The following CHSY3 variants were observed in gnomAD, a reference collection of about 807,000 sequenced individuals.
CHSY3 encodes N-acetylgalactosaminyl-proteoglycan 3-beta-glucuronosyltransferase 3.
A neutral mutation model predicts 67.2 loss-of-function variants in CHSY3; 35 were observed. The observed-to-expected ratio is 0.52, with a 90% CI of 0.40 to 0.69. The LOEUF is 0.69. Ranked by LOEUF, CHSY3 falls within the 30% of genes least tolerant of loss-of-function variation. The pLI, the probability that CHSY3 is intolerant of heterozygous loss-of-function variation, is 0.00. For missense variants in CHSY3, 1,069 were observed against 1,138.5 expected, an observed-to-expected ratio of 0.94 and a Z score of 0.88; for synonymous variants, 474 against 434.7, an observed-to-expected ratio of 1.09 and a Z score of -1.12.
chr5:129,940,589 C>A (rs1174800671), intron 2 of CHSY3, among the ~76,000 whole-genome samples: 1 of 151,862 alleles, frequency 6.6e-6, no homozygotes, highest in East Asian at 1.9e-4. Flanking sequence ...ATAAAATTGA[C>A]CTTTTCCCTC....
intron 2 of CHSY3, among the ~76,000 whole-genome samples, chr5:129,930,447 A>G (rs906710553): frequency 4.2e-5 from 6 of 144,086 alleles, no homozygotes; most frequent in Non-Finnish European, 7.6e-5. Context: ...AGAAGCTAAC[A>G]TGGCATTGAT....
chr5:129,998,609 A>T (rs1318374250), intron 2 of CHSY3, among the ~76,000 whole-genome samples: 1 of 152,142 alleles, frequency 6.6e-6, no homozygotes, highest in Non-Finnish European at 1.5e-5. Context: ...AGAGTCTATG[A>T]AGAATATTGT....
intron 2 of CHSY3, among the ~76,000 whole-genome samples, chr5:129,974,009 TC>T (rs1291753130): frequency 2.6e-5 from 4 of 152,104 alleles, no homozygotes; most frequent in East Asian, 1.9e-4. Flanking sequence ...GTCTCTTGTC[TC>T]CCCTGCATTC....
At chr5:130,016,754 C>G (rs1764230626) in intron 2 of CHSY3, among the ~76,000 whole-genome samples, 1 of 152,136 alleles carries the variant, frequency 6.6e-6, no homozygotes, top group Admixed American at 6.5e-5. Flanking sequence ...CCTAAAATGT[C>G]TGAAGTATAG....
At chr5:130,081,460 A>T (rs1766444436) in intron 2 of CHSY3, among the ~76,000 whole-genome samples, 1 of 152,000 alleles carries the variant, frequency 6.6e-6, no homozygotes, top group South Asian at 2.1e-4. Context: ...TACCCCATGA[A>T]CATAGTGTGA....
intron 2 of CHSY3, among the ~76,000 whole-genome samples, chr5:130,019,647 CTT>C (rs1032711721): frequency 3.3e-5 from 5 of 152,326 alleles, no homozygotes; most frequent in African/African-American, 1.2e-4. Flanking sequence ...CCTCGTTTAT[CTT>C]TCCCTGGTAG....
chr5:130,175,296 C>G lies in CHSY3; in HGVS notation c.1087-8933C>G, dbSNP rs142496418. 2.0e-3 allele frequency among the ~76,000 whole-genome samples: 299 copies of G among 152,232 alleles called. 2 individuals carry two copies. The highest frequency in any genetic ancestry group is 6.8e-3 in the Middle Eastern group (2 of 294). On this transcript the variant is annotated intron_variant, in intron 2 of 2. Coordinates refer to ENST00000305031, the MANE Select transcript of CHSY3 (RefSeq NM_175856.5). ...ATAAAATACCTAGGAATACAACTTA[C>G]AAGGGATGCGAAGGACCTCTTCAAG...
chr5:130,024,152 A>AAAAAAAAAAAAAAAAAG (rs386404969), intron 2 of CHSY3, among the ~76,000 whole-genome samples: 5 of 150,832 alleles, frequency 3.3e-5, no homozygotes, highest in African/African-American at 9.8e-5. Flanking sequence ...AAAAAAAAAA[A>AAAAAAAAAAAAAAAAAG]AAGCCTGTCT....
At chr5:130,162,569 CT>C (rs1769589426) in intron 2 of CHSY3, among the ~76,000 whole-genome samples, 1 of 151,950 alleles carries the variant, frequency 6.6e-6, no homozygotes, top group African/African-American at 2.4e-5. Flanking sequence ...GGGTCTTGTT[CT>C]GTCACCCAGG....
At chr5:130,033,649 C>A (rs185246531) in intron 2 of CHSY3, among the ~76,000 whole-genome samples, 1 of 152,124 alleles carries the variant, frequency 6.6e-6, no homozygotes, top group Non-Finnish European at 1.5e-5. Flanking sequence ...AAGAAACAAA[C>A]CCCACTGATA....
intron 2 of CHSY3, among the ~76,000 whole-genome samples, chr5:129,991,347 T>G (rs1168121799): frequency 6.6e-6 from 1 of 152,146 alleles, no homozygotes; most frequent in Non-Finnish European, 1.5e-5. Flanking sequence ...CTTTGAAGAT[T>G]GATTTCTGAG....
chr5:130,025,649 T>C lies in CHSY3; in HGVS notation c.1086+117289T>C, dbSNP rs553731708. ...AAGGCACCAGTAGATTTGGTGTCTG[T>C]TGAAGGCCTGGTTTTTGAGTCATAG... is the stretch of plus-strand genomic sequence containing the variant. On this transcript the variant is annotated intron_variant, in intron 2 of 2. Coordinates refer to ENST00000305031, the MANE Select transcript of CHSY3 (RefSeq NM_175856.5). Among the ~76,000 whole-genome samples, 41 of 151,556 alleles carry C rather than the reference T, an allele frequency of 2.7e-4. No homozygotes were observed. In the South Asian group the frequency reaches 5.0e-3, roughly 18 times the overall value.
intron 2 of CHSY3, among the ~76,000 whole-genome samples, chr5:129,964,654 T>G (rs1486583844): frequency 1.3e-5 from 2 of 151,960 alleles, no homozygotes; most frequent in East Asian, 3.9e-4. Context: ...TTCAGGGCAA[T>G]TTTCCCCCTG....
chr5:129,933,780 AT>A (rs1761400585), intron 2 of CHSY3, among the ~76,000 whole-genome samples: 1 of 152,016 alleles, frequency 6.6e-6, no homozygotes, highest in Non-Finnish European at 1.5e-5. Flanking sequence ...CTTTCATGTA[AT>A]TTTTTCATAT....
At chr5:130,000,732 C>CTTCTTTTTTT (rs776331371) in intron 2 of CHSY3, among the ~76,000 whole-genome samples, 1 of 76,450 alleles carries the variant, frequency 1.3e-5, no homozygotes, top group Admixed American at 2.1e-4. Flanking sequence ...AACTTTTCTT[C>CTTCTTTTTTT]TTTTTTTTTT....
intron 2 of CHSY3, among the ~76,000 whole-genome samples, chr5:130,170,365 T>A (rs1769865963): frequency 6.6e-6 from 1 of 152,110 alleles, no homozygotes; most frequent in South Asian, 2.1e-4. Context: ...ATATACCACA[T>A]TTTCTTTATC....
intron 2 of CHSY3, among the ~76,000 whole-genome samples, chr5:130,103,602 G>A (rs1182002120): frequency 6.6e-6 from 1 of 151,834 alleles, no homozygotes; most frequent in African/African-American, 2.4e-5. Flanking sequence ...TCTCACTGTT[G>A]GCAGAAAAAT....
At chr5:129,994,990 A>C (rs1463629947) in intron 2 of CHSY3, among the ~76,000 whole-genome samples, 1 of 152,150 alleles carries the variant, frequency 6.6e-6, no homozygotes, top group Non-Finnish European at 1.5e-5. Flanking sequence ...TGGCACATGT[A>C]TACCTATGTA....
At chr5:130,033,283 A>G (rs1036065850) in intron 2 of CHSY3, among the ~76,000 whole-genome samples, 14 of 152,094 alleles carry the variant, frequency 9.2e-5, no homozygotes, top group African/African-American at 3.4e-4. Flanking sequence ...TTCTTCAATT[A>G]TTTTATCCCT....
Sources: gnomAD v4.1 joint callset for allele counts (sites outside exome capture counted in the v4.1 genomes callset) on GRCh38, gnomAD v4.1.1 for gene constraint, MANE v1.5 for transcripts, NCBI Gene and HGNC (gene_info 2026-07-23, HGNC 2026-07-21) for gene names.